ARHGAP42: variants seen among roughly 807,000 people sequenced by gnomAD.
ARHGAP42 encodes rho GTPase-activating protein 42.
Under a neutral mutation model 125.0 loss-of-function variants are expected in ARHGAP42, and 63 were observed. That is an observed-to-expected ratio of 0.50 (90% CI 0.41 to 0.62). ARHGAP42 has a LOEUF of 0.62. Ranked by LOEUF, ARHGAP42 falls within the 20% of genes least tolerant of loss-of-function variation. The pLI is 0.00. For synonymous variants in ARHGAP42, 339 were observed against 351.0 expected, an observed-to-expected ratio of 0.97 and a Z score of 0.38; for missense variants, 766 against 1,024.2, an observed-to-expected ratio of 0.75 and a Z score of 3.44.
chr11:100,933,897 C>T (rs977004901), intron 7 of ARHGAP42, among the ~76,000 whole-genome samples: 2 of 152,092 alleles, frequency 1.3e-5, no homozygotes, highest in African/African-American at 4.8e-5. Flanking sequence ...AAGCAATTCT[C>T]CTGCCTCAGC....
At chr11:100,696,061 A>C (rs1861277171) in intron 1 of ARHGAP42, among the ~76,000 whole-genome samples, 1 of 152,062 alleles carries the variant, frequency 6.6e-6, no homozygotes, top group Non-Finnish European at 1.5e-5. Flanking sequence ...CCATCTCTAC[A>C]AAGTATACAA....
intron 3 of ARHGAP42, among the ~76,000 whole-genome samples, chr11:100,822,314 A>G (rs1827756071): frequency 6.6e-6 from 1 of 152,112 alleles, no homozygotes; most frequent in African/African-American, 2.4e-5. Flanking sequence ...TCAACGTTAA[A>G]AAAAAATTTT....
intron 4 of ARHGAP42, among the ~76,000 whole-genome samples, chr11:100,890,623 T>C (rs1866194112): frequency 6.6e-6 from 1 of 152,230 alleles, no homozygotes. Context: ...TTATATCGAA[T>C]AGATATAACT....
intron 8 of ARHGAP42, among the ~76,000 whole-genome samples, chr11:100,940,133 A>G (rs1867838011): frequency 6.6e-6 from 1 of 152,220 alleles, no homozygotes; most frequent in Non-Finnish European, 1.5e-5. Flanking sequence ...ATTATAAAGT[A>G]TATGACTGCA....
chr11:100,875,760 GC>G (rs1208177009), intron 4 of ARHGAP42, among the ~76,000 whole-genome samples: 1 of 100,438 alleles, frequency 1.0e-5, no homozygotes, highest in East Asian at 2.7e-4. Flanking sequence ...GTCCAGGGTG[GC>G]GGGGGGTGAC....
At chr11:100,968,928 G>GT (rs1858167835) in intron 17 of ARHGAP42, among the ~76,000 whole-genome samples, 6 of 33,872 alleles carry the variant, frequency 1.8e-4, no homozygotes, top group Non-Finnish European at 2.9e-4. Context: ...TACACTGGGT[G>GT]TTTTTTTGTT....
chr11:100,814,653 G>T (rs10791427), intron 3 of ARHGAP42, among the ~76,000 whole-genome samples: 75,058 of 151,930 alleles, frequency 0.49, 19,518 homozygotes, highest in South Asian at 0.63. Flanking sequence ...ATCTTACATG[G>T]CACAAACTGG....
chr11:100,933,278 C>T lies in ARHGAP42; in HGVS notation c.702+18C>T, dbSNP rs2135260729. ...TGCAGAATGTAAGAGTATACCTGTT[C>T]TTACTGTCTCTCAGCAAATCTGCAA... is the stretch of plus-strand genomic sequence containing the variant. On this transcript the variant is annotated intron_variant, in intron 7 of 23. Transcript: ENST00000298815. 8 of 1,488,952 alleles carry T rather than the reference C, an allele frequency of 5.4e-6. No homozygotes were observed. The highest frequency in any genetic ancestry group is 5.0e-5 in the East Asian group (2 of 39,830). The allele number at this position is 1,488,952 out of a possible 1,614,324, so 92.2% of individuals were successfully genotyped here. A position where few individuals can be genotyped will look rare whatever the true frequency, so the allele number is the denominator to read the frequency against.
At chr11:100,875,070 A>ACGGT (rs1865779454) in intron 4 of ARHGAP42, among the ~76,000 whole-genome samples, 1 of 65,520 alleles carries the variant, frequency 1.5e-5, no homozygotes, top group African/African-American at 5.8e-5. Context: ...AATCTAATCC[A>ACGGT]CTGTCTCTCT....
chr11:100,701,063 A>C (rs1211491920), intron 1 of ARHGAP42, among the ~76,000 whole-genome samples: 1 of 152,168 alleles, frequency 6.6e-6, no homozygotes, highest in Non-Finnish European at 1.5e-5. Context: ...TGAAAACAAT[A>C]TTAATCTTTT....
chr11:100,866,582 AACTT>A (rs1260317395), intron 4 of ARHGAP42, among the ~76,000 whole-genome samples: 1 of 152,186 alleles, frequency 6.6e-6, no homozygotes, highest in Admixed American at 6.5e-5. Context: ...GGCCTCAGGA[AACTT>A]ACAATCATGG....
chr11:100,764,538 A>G (rs1862786435), intron 1 of ARHGAP42, among the ~76,000 whole-genome samples: 3 of 152,200 alleles, frequency 2.0e-5, no homozygotes, highest in African/African-American at 7.2e-5. Flanking sequence ...TCTTGCCAAG[A>G]CTATTGCTGT....
chr11:100,846,928 G>GA (rs1865081413), intron 3 of ARHGAP42, among the ~76,000 whole-genome samples: 1 of 152,142 alleles, frequency 6.6e-6, no homozygotes, highest in African/African-American at 2.4e-5. Flanking sequence ...TGGCATGCCA[G>GA]ACCCCTGTTA....
At position 100,769,325 on chromosome 11, in the gene ARHGAP42, C is replaced by T. The variant is rs1023109439; in HGVS notation, c.155-1018C>T. Among the ~76,000 whole-genome samples the T allele has an allele frequency of 5.3e-5, 8 of 152,276 alleles. No homozygotes were observed. The East Asian group carries it at 1.5e-3, about 29-fold the overall frequency. ...AAGTAAGTGGTGGGGCTTGGATTTC[C>T]ACCCAGGCAGCCTGGCTCCAGAGTC... On this transcript the variant is annotated intron_variant, in intron 1 of 23. Coordinates refer to ENST00000298815, the MANE Select transcript of ARHGAP42 (RefSeq NM_152432.4).
chr11:100,981,068 A>C (rs1208527773), intron 22 of ARHGAP42, among the ~76,000 whole-genome samples: 1 of 152,174 alleles, frequency 6.6e-6, no homozygotes, highest in Non-Finnish European at 1.5e-5. Context: ...GACAGACCCT[A>C]GTTCAAATTT....
intron 3 of ARHGAP42, among the ~76,000 whole-genome samples, chr11:100,803,920 C>T (rs1355243510): frequency 6.6e-6 from 1 of 152,108 alleles, no homozygotes; most frequent in Non-Finnish European, 1.5e-5. Flanking sequence ...AACATGAGAA[C>T]TATCATTGCC....
At chr11:100,696,246 A>G (rs554226371) in intron 1 of ARHGAP42, among the ~76,000 whole-genome samples, 1 of 152,268 alleles carries the variant, frequency 6.6e-6, no homozygotes, top group Non-Finnish European at 1.5e-5. Context: ...AAACAAAAAA[A>G]CTGGTAACAC....
At chr11:100,980,110 A>G (rs758537758) in intron 22 of ARHGAP42, among the ~76,000 whole-genome samples, 1 of 152,120 alleles carries the variant, frequency 6.6e-6, no homozygotes, top group Admixed American at 6.6e-5. Flanking sequence ...TTAACTGCAG[A>G]GAGTAGAGCC....
At chr11:100,804,434 A>G (rs1393223009) in intron 3 of ARHGAP42, among the ~76,000 whole-genome samples, 1 of 152,132 alleles carries the variant, frequency 6.6e-6, no homozygotes, top group Non-Finnish European at 1.5e-5. Flanking sequence ...TTTTCTTTAT[A>G]AGACTATTAA....
Sources: gnomAD v4.1 joint callset for allele counts (sites outside exome capture counted in the v4.1 genomes callset) on GRCh38, gnomAD v4.1.1 for gene constraint, MANE v1.5 for transcripts, NCBI Gene and HGNC (gene_info 2026-07-23, HGNC 2026-07-21) for gene names.